TMIGD3: variants seen among roughly 807,000 people sequenced by gnomAD.
The protein encoded by TMIGD3 is AD026 protein (AD026).
Under a neutral mutation model 28.1 loss-of-function variants are expected in TMIGD3, and 21 were observed. The ratio of observed to expected loss-of-function variants is 0.75; its 90% CI spans 0.53 to 1.08. TMIGD3 has a LOEUF of 1.08. Among genes scored for constraint, TMIGD3 ranks in the 50% least tolerant of loss-of-function variants. The probability of loss-of-function intolerance (pLI) is 0.00; values close to 1 mark genes in which losing one functional copy is unlikely to be tolerated. For synonymous variants in TMIGD3, 151 were observed against 162.1 expected (o/e 0.93, Z 0.52); for missense variants, 416 against 435.6 (o/e 0.96, Z 0.40).
At chr1:111,546,327 T>C (rs1019418163) in intron 1 of TMIGD3, among the ~76,000 whole-genome samples, 3 of 152,154 alleles carry the variant, frequency 2.0e-5, no homozygotes, top group African/African-American at 4.8e-5. Flanking sequence ...TTAAGTACAT[T>C]TACATTGTTG....
chr1:111,538,068 G>A (rs1025373848), intron 1 of TMIGD3, among the ~76,000 whole-genome samples: 4 of 152,080 alleles, frequency 2.6e-5, no homozygotes, highest in Non-Finnish European at 5.9e-5. Context: ...TTTAAAAAGA[G>A]TTGGCTCAGA....
intron 1 of TMIGD3, among the ~76,000 whole-genome samples, chr1:111,535,111 A>C (rs552582502): frequency 6.6e-6 from 1 of 152,240 alleles, no homozygotes; most frequent in African/African-American, 2.4e-5. Context: ...GATCAAGAGA[A>C]TAACACCTAC....
At chr1:111,535,194 C>T (rs1335967698) in intron 1 of TMIGD3, among the ~76,000 whole-genome samples, 1 of 152,172 alleles carries the variant, frequency 6.6e-6, no homozygotes, top group Non-Finnish European at 1.5e-5. Flanking sequence ...CACTGAGAAG[C>T]ACTGAATAAA....
At chr1:111,542,337 G>A in intron 1 of TMIGD3, 1 of 431,660 alleles carries the variant, frequency 2.3e-6, no homozygotes, top group Non-Finnish European at 4.8e-6. Flanking sequence ...GTGTCTGTGT[G>A]GCTCCTTCCA....
At chr1:111,515,041 C>T (rs1448284673) in intron 1 of TMIGD3, among the ~76,000 whole-genome samples, 1 of 152,206 alleles carries the variant, frequency 6.6e-6, no homozygotes, top group Non-Finnish European at 1.5e-5. Context: ...TGTTACACTG[C>T]CTGGAACCCC....
intron 1 of TMIGD3, among the ~76,000 whole-genome samples, chr1:111,527,038 T>C (rs1656290438): frequency 8.2e-6 from 1 of 122,144 alleles, no homozygotes; most frequent in South Asian, 2.7e-4. Context: ...TGAGACTGAG[T>C]CTTGCTCTGT....
chr1:111,513,519 A>G (rs759467775), intron 1 of TMIGD3, among the ~76,000 whole-genome samples: 7 of 152,182 alleles, frequency 4.6e-5, no homozygotes, highest in Non-Finnish European at 8.8e-5. Context: ...CTAGGTTGGG[A>G]GTTTAGCCTC....
At chr1:111,528,466 T>C (rs907793735) in intron 1 of TMIGD3, among the ~76,000 whole-genome samples, 1 of 152,230 alleles carries the variant, frequency 6.6e-6, no homozygotes, top group South Asian at 2.1e-4. Context: ...CTGACTTTGT[T>C]CTCCTTTAAT....
chr1:111,532,107 C>T (rs1656478270), intron 1 of TMIGD3, among the ~76,000 whole-genome samples: 1 of 86,064 alleles, frequency 1.2e-5, no homozygotes, highest in African/African-American at 3.2e-5. Flanking sequence ...GCTTCTTTGG[C>T]GTGGTTCCTT....
At chr1:111,503,657 T>C, upstream of TMIGD3, 1 of 1,133,070 alleles carries the variant, frequency 8.8e-7, no homozygotes, top group Non-Finnish European at 1.1e-6. Context: ...CTGCTGCTCT[T>C]AGTTCCCCAA....
In TMIGD3 at chr1:111,488,879, G is replaced by T. The variant is rs762366593; in HGVS notation, c.603C>A (p.Phe201Leu). The T allele has an allele frequency of 1.1e-5, 18 of 1,614,120 alleles. No individual in the cohort carries two copies. Among genetic ancestry groups the T allele is most frequent in the Non-Finnish European group, 1.5e-5 (18 of 1,180,054 alleles). Residue 201 changes from phenylalanine (F) to leucine (L), a missense_variant, in exon 3 of 6, where the codon TTC becomes TTA. Phe to Leu is a conservative substitution (Grantham distance 22, BLOSUM62 0). Coordinates refer to ENST00000369716, the MANE Select transcript of TMIGD3 (RefSeq NM_020683.7). The stretch of plus-strand genomic sequence containing the variant: ...CCACATGATTGGTGCTGTTAGGGGA[G>T]AAGGCGATGATGTTGCAGTAGTCAC... Reference protein sequence around the residue: ...YFRDYCNIIAFSPNSTNHVAL... With the variant: ...YFRDYCNIIALSPNSTNHVAL...
At chr1:111,549,491 A>C (rs1471935588) in intron 1 of TMIGD3, among the ~76,000 whole-genome samples, 1 of 151,866 alleles carries the variant, frequency 6.6e-6, no homozygotes, top group East Asian at 1.9e-4. Context: ...TCCACTAAAA[A>C]ATACAAAAAT....
chr1:111,530,030 G>T (rs1263143908), intron 1 of TMIGD3, among the ~76,000 whole-genome samples: 1 of 148,690 alleles, frequency 6.7e-6, no homozygotes. Flanking sequence ...CGGACGGGGC[G>T]GCTGGCCGGG....
chr1:111,562,630 A>G (rs1657785696), intron 1 of TMIGD3, among the ~76,000 whole-genome samples: 1 of 152,224 alleles, frequency 6.6e-6, no homozygotes, highest in Non-Finnish European at 1.5e-5. Context: ...AAAATTGCCA[A>G]TATTCCCTCC....
Position 111,545,606 on chromosome 1 carries a change from G to A in TMIGD3, c.107+18240C>T, listed in dbSNP as rs74544664. Among the ~76,000 whole-genome samples the A allele has an allele frequency of 7.2e-3, 1,097 of 152,122 alleles. 14 individuals are homozygous for A. Among genetic ancestry groups the A allele is most frequent in the African/African-American group, 0.025 (1,056 of 41,522 alleles). Reference sequence around the variant, plus strand: ...TACTTTCTTGCTAGTGCCCTTTGGTGCACTAAAGTTTTTAATTTTGATGAA... The same window carrying A: ...TACTTTCTTGCTAGTGCCCTTTGGTACACTAAAGTTTTTAATTTTGATGAA... On this transcript the variant is annotated intron_variant, in intron 1 of 5. Transcript: ENST00000369717.
chr1:111,483,510 A>G lies in TMIGD3; in HGVS notation c.*177T>C, dbSNP rs1571392987. 2 of 642,108 alleles carry G rather than the reference A, an allele frequency of 3.1e-6. No homozygotes were observed. The highest frequency in any genetic ancestry group is 5.6e-6 in the Non-Finnish European group (2 of 354,990). The allele number at this position is 642,108 out of a possible 1,614,324, so 39.8% of individuals were successfully genotyped here. A position where few individuals can be genotyped will look rare whatever the true frequency, so the allele number is the denominator to read the frequency against. On this transcript the variant is annotated 3_prime_UTR_variant, in exon 6 of 6. Coordinates refer to ENST00000369716, the MANE Select transcript of TMIGD3 (RefSeq NM_020683.7). Reference sequence around the variant, plus strand: ...GGGCAGCCTTGCTTGGGTGTGGTCTATCATAGCTCCTCTGACTACCGCCGT... The same window carrying G: ...GGGCAGCCTTGCTTGGGTGTGGTCTGTCATAGCTCCTCTGACTACCGCCGT...
intron 1 of TMIGD3, among the ~76,000 whole-genome samples, chr1:111,498,387 A>G (rs1654991287): frequency 1.3e-5 from 2 of 152,242 alleles, no homozygotes; most frequent in South Asian, 4.1e-4. Context: ...TTCAGTGCTC[A>G]GAAGATGTGA....
chr1:111,563,770 G>T, intron 1 of TMIGD3: 2 of 1,062,032 alleles, frequency 1.9e-6, no homozygotes, highest in Non-Finnish European at 2.9e-6. Context: ...ATGAATAAAT[G>T]TTCCAAAGTG....
At chr1:111,550,815 C>A (rs1657226987) in intron 1 of TMIGD3, among the ~76,000 whole-genome samples, 1 of 152,108 alleles carries the variant, frequency 6.6e-6, no homozygotes, top group Non-Finnish European at 1.5e-5. Flanking sequence ...TTAATGTGGT[C>A]AGAGAACATA....
Sources: gnomAD v4.1 joint callset for allele counts (sites outside exome capture counted in the v4.1 genomes callset) on GRCh38, gnomAD v4.1.1 for gene constraint, MANE v1.5 for transcripts, NCBI Gene and HGNC (gene_info 2026-07-23, HGNC 2026-07-21) for gene names.